KIAA1958: variants seen among roughly 807,000 people sequenced by gnomAD.
KIAA1958 encodes the protein uncharacterized protein KIAA1958.
KIAA1958 carries 14 observed loss-of-function variants against 47.2 expected under a neutral mutation model. The ratio of observed to expected loss-of-function variants is 0.30; its 90% CI spans 0.20 to 0.46. KIAA1958 has a LOEUF of 0.46. Among genes scored for constraint, KIAA1958 ranks in the 20% least tolerant of loss-of-function variants. The pLI is 1.00. For synonymous variants in KIAA1958, 354 were observed against 353.3 expected (o/e 1.00, Z -0.02); for missense variants, 803 against 909.2 (o/e 0.88, Z 1.50).
intron 2 of KIAA1958, among the ~76,000 whole-genome samples, chr9:112,586,859 T>C (rs561705006): frequency 3.9e-5 from 6 of 152,326 alleles, no homozygotes; most frequent in Admixed American, 2.0e-4. Context: ...GAGGAAATAA[T>C]GTACAACCTC....
At chr9:112,491,596 G>A (rs1471052381) in intron 1 of KIAA1958, among the ~76,000 whole-genome samples, 2 of 148,666 alleles carry the variant, frequency 1.3e-5, no homozygotes, top group African/African-American at 5.0e-5. Flanking sequence ...AACCTGCAAA[G>A]AACCAAAATT....
chr9:112,584,561 T>C (rs1835790848), intron 2 of KIAA1958, among the ~76,000 whole-genome samples: 1 of 152,234 alleles, frequency 6.6e-6, no homozygotes, highest in African/African-American at 2.4e-5. Context: ...AGAATTATCC[T>C]CACAAATTTT....
At chr9:112,522,191 G>A (rs573531036) in intron 1 of KIAA1958, among the ~76,000 whole-genome samples, 54 of 151,914 alleles carry the variant, frequency 3.6e-4, no homozygotes, top group Non-Finnish European at 2.9e-4. Flanking sequence ...GGCTGGTCTC[G>A]AACTCCCGAC....
At position 112,577,787 on chromosome 9, in the gene KIAA1958, AAC is replaced by A. The variant is rs563850289; in HGVS notation, c.1171+2537_1171+2538del. Among the ~76,000 whole-genome samples, 135 of 152,154 alleles carry A rather than the reference AAC, an allele frequency of 8.9e-4. 3 individuals are homozygous for A. The South Asian group carries it at 0.023, about 26-fold the overall frequency. On this transcript the variant is annotated intron_variant, in intron 2 of 3. Transcript: ENST00000337530. ...AATTCAGCCTATTTGAAAAAAAAAA[AAC>A]GAATCCATTTATTATTGTGTGTATT...
chr9:112,510,682 C>G (rs1251894296), intron 1 of KIAA1958, among the ~76,000 whole-genome samples: 1 of 152,118 alleles, frequency 6.6e-6, no homozygotes, highest in Non-Finnish European at 1.5e-5. Flanking sequence ...TGTAGCTAAA[C>G]ATAGAAAATG....
Position 112,666,966 on chromosome 9 carries a change from G to A in KIAA1958, c.*6897G>A, listed in dbSNP as rs1203158296. On this transcript the variant is annotated 3_prime_UTR_variant, in exon 4 of 4. Transcript: ENST00000337530. Reference sequence around the variant, plus strand: ...AGAGAAGGACTATTAGACCTATGGTGGCATCCCAAGAATAAAGCCCTTTAG... The same window carrying A: ...AGAGAAGGACTATTAGACCTATGGTAGCATCCCAAGAATAAAGCCCTTTAG... The A allele has an allele frequency of 2.0e-5, 3 of 152,152 alleles. No individual in the cohort carries two copies. The highest frequency in any genetic ancestry group is 4.4e-5 in the Non-Finnish European group (3 of 68,036). 9.4% of individuals were successfully genotyped at this position (152,152 alleles called of 1,614,324 possible).
intron 2 of KIAA1958, among the ~76,000 whole-genome samples, chr9:112,614,519 G>A (rs1207752073): frequency 6.6e-6 from 1 of 152,120 alleles, no homozygotes; most frequent in Non-Finnish European, 1.5e-5. Flanking sequence ...GTCTTCTCTA[G>A]TCTTACTTGA....
intron 2 of KIAA1958, among the ~76,000 whole-genome samples, chr9:112,630,776 G>A (rs2131229194): frequency 6.6e-6 from 1 of 152,324 alleles, no homozygotes; most frequent in East Asian, 1.9e-4. Context: ...TTGCAGAAAT[G>A]CAAATGTTTT....
At chr9:112,593,329 C>T (rs570133265) in intron 2 of KIAA1958, among the ~76,000 whole-genome samples, 6 of 152,290 alleles carry the variant, frequency 3.9e-5, no homozygotes, top group African/African-American at 1.4e-4. Flanking sequence ...CAGCTTGGCC[C>T]ATAACCAGTT....
At chr9:112,599,673 C>G (rs1194140305) in intron 2 of KIAA1958, among the ~76,000 whole-genome samples, 2 of 152,152 alleles carry the variant, frequency 1.3e-5, no homozygotes, top group Non-Finnish European at 2.9e-5. Flanking sequence ...AATGTCACAT[C>G]TATAATGAAT....
intron 2 of KIAA1958, among the ~76,000 whole-genome samples, chr9:112,614,969 A>T (rs1836386315): frequency 6.6e-6 from 1 of 152,216 alleles, no homozygotes. Context: ...AATGCTGCTT[A>T]ATTAAATCCA....
intron 1 of KIAA1958, among the ~76,000 whole-genome samples, chr9:112,535,806 T>A (rs1032190915): frequency 1.3e-5 from 2 of 152,080 alleles, no homozygotes; most frequent in Non-Finnish European, 2.9e-5. Flanking sequence ...CTCCTAGTGG[T>A]TTTAATTTGC....
intron 2 of KIAA1958, among the ~76,000 whole-genome samples, chr9:112,641,543 T>TG (rs1836891970): frequency 6.6e-6 from 1 of 152,158 alleles, no homozygotes; most frequent in South Asian, 2.1e-4. Flanking sequence ...TGACAGTTCA[T>TG]GAACCTTAAT....
chr9:112,631,556 A>T (rs956025900), intron 2 of KIAA1958, among the ~76,000 whole-genome samples: 3 of 138,074 alleles, frequency 2.2e-5, no homozygotes, highest in Admixed American at 7.2e-5. Flanking sequence ...AAAAAAAAAA[A>T]GGAAGTAAAA....
intron 1 of KIAA1958, among the ~76,000 whole-genome samples, chr9:112,491,409 A>G (rs1320369046): frequency 6.6e-6 from 1 of 152,184 alleles, no homozygotes; most frequent in Admixed American, 6.5e-5. Context: ...ACCAGGGAGT[A>G]GCTCCCCCCT....
At position 112,665,994 on chromosome 9, in the gene KIAA1958, T is replaced by C. The variant is rs1837347280; in HGVS notation, c.*5925T>C. 1 of 152,058 alleles carries C rather than the reference T, an allele frequency of 6.6e-6. No individual in the cohort carries two copies. The highest frequency in any genetic ancestry group is 2.1e-4 in the South Asian group (1 of 4,826). The allele number at this position is 152,058 out of a possible 1,614,324, so 9.4% of individuals were successfully genotyped here. On this transcript the variant is annotated 3_prime_UTR_variant, in exon 4 of 4. Coordinates refer to ENST00000337530, the MANE Select transcript of KIAA1958 (RefSeq NM_133465.4). Reference sequence around the variant, plus strand: ...ACTGTCATAGAAAAATATACCTTTTTTTTTTTTTGAGACTCAGGAGTCTCA... The same window carrying C: ...ACTGTCATAGAAAAATATACCTTTTCTTTTTTTTGAGACTCAGGAGTCTCA...
rs1050013893 is a variant in KIAA1958, at chr9:112,661,403, A to G, written c.*1334A>G. 1.3e-5 allele frequency: 2 copies of G among 152,122 alleles called. No individual in the cohort carries two copies. 9.4% of individuals were successfully genotyped at this position (152,122 alleles called of 1,614,324 possible). A position where few individuals can be genotyped will look rare whatever the true frequency, so the allele number is the denominator to read the frequency against. ...CTCATTAAGAGTAACAATAATTTCT[A>G]GGGACCTTGACTTTGCATTTGAGGA... On this transcript the variant is annotated 3_prime_UTR_variant, in exon 4 of 4. Coordinates refer to ENST00000337530, the MANE Select transcript of KIAA1958 (RefSeq NM_133465.4).
chr9:112,644,834 A>T (rs1439159050), intron 2 of KIAA1958, among the ~76,000 whole-genome samples: 3 of 151,404 alleles, frequency 2.0e-5, no homozygotes, highest in Non-Finnish European at 4.4e-5. Flanking sequence ...CAAAACTTTA[A>T]AAAAAAAATG....
chr9:112,617,305 A>C (rs1836422662), intron 2 of KIAA1958, among the ~76,000 whole-genome samples: 1 of 152,248 alleles, frequency 6.6e-6, no homozygotes, highest in Admixed American at 6.5e-5. Context: ...CAGAATGCTT[A>C]TAAACTGTGT....
Sources: gnomAD v4.1 joint callset for allele counts (sites outside exome capture counted in the v4.1 genomes callset) on GRCh38, gnomAD v4.1.1 for gene constraint, MANE v1.5 for transcripts, NCBI Gene and HGNC (gene_info 2026-07-23, HGNC 2026-07-21) for gene names.